SARNP: variants seen among roughly 807,000 people sequenced by gnomAD.
The protein encoded by SARNP is SAP domain containing ribonucleoprotein.
SARNP carries 5 observed loss-of-function variants against 38.1 expected under a neutral mutation model. The observed-to-expected ratio is 0.13, with a 90% CI of 0.07 to 0.28. SARNP has a LOEUF of 0.28. SARNP is among the 10% of genes least tolerant of loss of function. The probability of loss-of-function intolerance (pLI) is 1.00; values close to 1 mark genes in which losing one functional copy is unlikely to be tolerated. For missense variants in SARNP, 180 were observed against 243.9 expected (o/e 0.74, Z 1.75); for synonymous variants, 84 against 80.6 (o/e 1.04, Z -0.23).
intron 1 of SARNP, among the ~76,000 whole-genome samples, chr12:55,807,999 TA>T (rs1468109999): frequency 1.3e-5 from 2 of 152,150 alleles, no homozygotes; most frequent in Non-Finnish European, 1.5e-5. Context: ...TAGAGGAAAA[TA>T]AAAGTCGTAT....
intron 7 of SARNP, among the ~76,000 whole-genome samples, chr12:55,790,980 T>C (rs183453553): frequency 5.0e-4 from 76 of 152,362 alleles, no homozygotes; most frequent in African/African-American, 1.8e-3. Flanking sequence ...AAATTAAGTA[T>C]GGTATATCCA....
chr12:55,816,755 A>T (rs1175613814), intron 1 of SARNP, among the ~76,000 whole-genome samples: 3 of 152,224 alleles, frequency 2.0e-5, no homozygotes, highest in African/African-American at 7.2e-5. Context: ...AATACTTTTT[A>T]AAATGTTCTT....
At chr12:55,753,730 A>G (rs1262861166), downstream of SARNP, 4 of 142,296 alleles carry the variant, frequency 2.8e-5, no homozygotes, top group East Asian at 2.1e-4. Flanking sequence ...AGATCGCACC[A>G]CTGCACTCTA....
intron 9 of SARNP, among the ~76,000 whole-genome samples, chr12:55,768,105 TTCCC>T (rs1316429263): frequency 1.3e-5 from 2 of 151,972 alleles, no homozygotes; most frequent in Admixed American, 1.3e-4. Flanking sequence ...ATCTCCCTCC[TTCCC>T]TCCCTCTCTC....
intron 4 of SARNP, among the ~76,000 whole-genome samples, chr12:55,798,546 A>T (rs1170330848): frequency 1.3e-5 from 2 of 152,206 alleles, no homozygotes; most frequent in Non-Finnish European, 2.9e-5. Flanking sequence ...TCAAGATGTT[A>T]AATGTACATC....
At chr12:55,760,288 C>T in intron 10 of SARNP, 2 of 467,326 alleles carry the variant, frequency 4.3e-6, no homozygotes, top group Non-Finnish European at 7.5e-6. Flanking sequence ...ATCGCTTGAG[C>T]CCAGGAGTTT....
At chr12:55,768,713 C>T (rs1283979910) in intron 9 of SARNP, among the ~76,000 whole-genome samples, 2 of 152,102 alleles carry the variant, frequency 1.3e-5, no homozygotes, top group African/African-American at 4.8e-5. Context: ...CAGGCGTGAG[C>T]TACCATGTCC....
At chr12:55,767,978 C>A (rs768557221) in intron 9 of SARNP, among the ~76,000 whole-genome samples, 4 of 151,954 alleles carry the variant, frequency 2.6e-5, no homozygotes, top group Non-Finnish European at 5.9e-5. Flanking sequence ...AAGAAAATTC[C>A]CTTTAGCTTC....
rs971292085 is a variant in SARNP, at chr12:55,759,488, G to A, written c.591+1063C>T. On this transcript the variant is annotated intron_variant, in intron 10 of 10. Transcript: ENST00000336133. ...TGGAGTGGCGTGATCTTGGCTCACC[G>A]CAACCTCTGCCTCCCGGTTTCAAGA... is the stretch of plus-strand genomic sequence containing the variant. 6.6e-5 allele frequency among the ~76,000 whole-genome samples: 10 copies of A among 150,720 alleles called. No individual in the cohort carries two copies. The East Asian group carries it at 1.7e-3, about 26-fold the overall frequency.
chr12:55,756,382 C>T (rs1878505352), downstream of SARNP: 1 of 152,126 alleles, frequency 6.6e-6, no homozygotes, highest in Non-Finnish European at 1.5e-5. Flanking sequence ...CCTCACCAAC[C>T]AGAGACTTTG....
At chr12:55,790,290 CAT>C (rs1879627100) in intron 8 of SARNP, among the ~76,000 whole-genome samples, 1 of 151,980 alleles carries the variant, frequency 6.6e-6, no homozygotes, top group Non-Finnish European at 1.5e-5. Flanking sequence ...CCTCCAGTAC[CAT>C]AAAACAGTTA....
intron 9 of SARNP, among the ~76,000 whole-genome samples, chr12:55,776,663 C>T (rs1195547083): frequency 1.3e-5 from 2 of 152,162 alleles, no homozygotes; most frequent in East Asian, 3.9e-4. Flanking sequence ...CATTTCACCA[C>T]AGCTGGGGAG....
intron 9 of SARNP, among the ~76,000 whole-genome samples, chr12:55,787,367 C>A (rs1879530550): frequency 6.6e-6 from 1 of 151,916 alleles, no homozygotes; most frequent in African/African-American, 2.4e-5. Context: ...AAATATATAA[C>A]CAATGTCAGG....
chr12:55,796,113 G>C (rs775892604), intron 4 of SARNP, 37 bp from the exon 5 acceptor site: 5 of 1,440,736 alleles, frequency 3.5e-6, no homozygotes, highest in Non-Finnish European at 4.9e-6. Flanking sequence ...TGAGAAAACT[G>C]ATATTCTAAA....
rs551111760 is a variant in SARNP at position 55,763,851 on chromosome 12, C to T, written c.502-3211G>A. ...TCTTGGAGAGATTAAGTGACTCACC[C>T]AAAATTTCACAAATAATACGAGGAT... On this transcript the variant is annotated intron_variant, in intron 9 of 10. Transcript: ENST00000336133. 1.1e-4 allele frequency among the ~76,000 whole-genome samples: 16 copies of T among 152,242 alleles called. No homozygotes were observed. The South Asian group carries it at 3.1e-3, about 30-fold the overall frequency.
downstream of SARNP, chr12:55,753,103 T>C (rs891613798): frequency 3.9e-5 from 6 of 152,218 alleles, no homozygotes; most frequent in African/African-American, 1.4e-4. Context: ...ACAACCCCTC[T>C]CTGAAAAGCT....
chr12:55,778,326 T>C (rs1220952222), intron 9 of SARNP, among the ~76,000 whole-genome samples: 1 of 152,090 alleles, frequency 6.6e-6, no homozygotes, highest in East Asian at 1.9e-4. Flanking sequence ...TTTGTATTTT[T>C]AGTAAAGATG....
intron 8 of SARNP, among the ~76,000 whole-genome samples, chr12:55,789,775 C>G (rs781347367): frequency 6.6e-6 from 1 of 151,922 alleles, no homozygotes; most frequent in Non-Finnish European, 1.5e-5. Context: ...GAAACCCCGT[C>G]TCTACTAAAA....
intron 1 of SARNP, 136 bp from the exon 2 acceptor site, chr12:55,803,864 TC>T: frequency 1.7e-6 from 1 of 593,086 alleles, no homozygotes; most frequent in Non-Finnish European, 3.0e-6. Flanking sequence ...CTACCAAGGC[TC>T]TAGGTCCACA....
Sources: allele counts gnomAD v4.1 joint callset (sites outside exome capture counted in the v4.1 genomes callset), GRCh38; gene constraint gnomAD v4.1.1; transcripts MANE v1.5; gene names NCBI Gene and HGNC (gene_info 2026-07-23, HGNC 2026-07-21).